Variants in TXNIP observed in about 807,000 individuals in gnomAD.
The protein encoded by TXNIP is thioredoxin-interacting protein.
In TXNIP, 23 loss-of-function variants were observed where a neutral mutation model predicts 43.9. That is an observed-to-expected ratio of 0.52 (90% confidence interval 0.38 to 0.74). TXNIP has a LOEUF of 0.74. TXNIP is among the 30% of genes least tolerant of loss of function. The probability of loss-of-function intolerance (pLI) is 0.00; values close to 1 mark genes in which losing one functional copy is unlikely to be tolerated. For synonymous variants in TXNIP, 234 were observed against 172.2 expected (o/e 1.36, Z -2.81); for missense variants, 555 against 485.4 (o/e 1.14, Z -1.35).
chr1:145,994,245 A>C (rs1268919409), intron 6 of TXNIP, 36 bp downstream of exon 6: 6 of 1,612,942 alleles, frequency 3.7e-6, no homozygotes, highest in Admixed American at 1.7e-5. Context: ...ACCCAGGTAG[A>C]CCAGAAACAA....
chr1:145,994,158 C>T lies in TXNIP; in HGVS notation c.998G>A (p.Cys333Tyr). ...ATCTTCAGGAATGACATCCATATAG[C>T]AGGGAGGAGCTAGAAAAGAAAATAT... is the stretch of plus-strand genomic sequence containing the variant. ...NIPDTPEAPP[C>Y]YMDVIPEDHR... The change falls in exon 7 of 8, where the codon TGC (cysteine) becomes TAC (tyrosine). Residue 333 changes from cysteine (C) to tyrosine (Y), a missense_variant. Transcript: ENST00000582401. The T allele has an allele frequency of 6.2e-7, 1 of 1,614,038 alleles. No homozygotes were observed. Among genetic ancestry groups the T allele is most frequent in the Non-Finnish European group, 8.5e-7 (1 of 1,179,994 alleles).
Position 145,996,308 on chromosome 1 carries a change from A to T in TXNIP, c.-42T>A, listed in dbSNP as rs1221316784. On this transcript the variant is annotated 5_prime_UTR_variant, in exon 1 of 8. Coordinates refer to ENST00000582401, the MANE Select transcript of TXNIP (RefSeq NM_006472.6). Reference sequence around the variant, plus strand: ...TTTTAAGAGTTAGAAATGACGGTGGAAGAAAAAAAAAGCTCCAAATCGAGG... The same window carrying T: ...TTTTAAGAGTTAGAAATGACGGTGGTAGAAAAAAAAAGCTCCAAATCGAGG... The T allele has an allele frequency of 6.4e-7, 1 of 1,568,488 alleles. No individual in the cohort carries two copies. The highest frequency in any genetic ancestry group is 1.4e-5 in the African/African-American group (1 of 72,520).
rs782266753 is a variant in TXNIP at position 145,996,260 on chromosome 1, T to C, written c.7A>G (p.Met3Val). MV[M>V]FKKIKSFEVV... is the part of the protein sequence containing the mutation. ...TCAAAAGACTTGATCTTCTTGAACA[T>C]CACCATGATGGAACTGAGTTGGTTT... is the stretch of plus-strand genomic sequence containing the variant. The change falls in exon 1 of 8, where the codon ATG becomes GTG. Residue 3 changes from methionine (M) to valine (V), a missense_variant. Transcript: ENST00000582401. 6.2e-7 allele frequency: 1 copy of C among 1,613,504 alleles called. No individual in the cohort carries two copies. The highest frequency in any genetic ancestry group is 1.3e-5 in the African/African-American group (1 of 74,746).
Position 145,996,355 on chromosome 1 carries a change from T to C in TXNIP, c.-89A>G, listed in dbSNP as rs1248494154. ...GAGGAAACCCCTTTGCAAAAAATTA[T>C]TTCACTTTAAGGAATTAAGGTATTC... On this transcript the variant is annotated 5_prime_UTR_variant, in exon 1 of 8. Coordinates refer to ENST00000582401, the MANE Select transcript of TXNIP (RefSeq NM_006472.6). The C allele has an allele frequency of 4.8e-6, 7 of 1,451,242 alleles. No homozygotes were observed. In the African/African-American group the frequency reaches 7.1e-5, roughly 15 times the overall value. The allele number at this position is 1,451,242 out of a possible 1,614,324, so 89.9% of individuals were successfully genotyped here.
At position 145,995,351 on chromosome 1, in the gene TXNIP, G is replaced by A. The variant is rs1182344479; in HGVS notation, c.323+53C>T. 1.1e-5 allele frequency: 18 copies of A among 1,609,616 alleles called. No individual in the cohort carries two copies. In the Admixed American group the frequency reaches 2.7e-4, roughly 24 times the overall value. The stretch of plus-strand genomic sequence containing the variant: ...CCAAGAACAGTAAGTGATCAAAGGA[G>A]GGCAAGATATTTTAGACAGAAAAGT... On this transcript the variant is annotated intron_variant, in intron 2 of 7. Transcript: ENST00000582401.
At position 145,996,119 on chromosome 1, in the gene TXNIP, C is replaced by T. The variant is rs2101964044; in HGVS notation, c.148G>A (p.Gly50Arg). Residue 50 changes from glycine (G) to arginine (R), a missense_variant, in exon 1 of 8, where the codon GGA becomes AGA. Physicochemically the swap from Gly to Arg is moderately radical, Grantham distance 125. Coordinates refer to ENST00000582401, the MANE Select transcript of TXNIP (RefSeq NM_006472.6). Reference protein sequence around the residue: ...RVKAVRILACGVAKVLWMQGS... With the variant: ...RVKAVRILACRVAKVLWMQGS... Reference sequence around the variant, plus strand: ...TGCATCCAAAGCACTTTAGCCACTCCGCAAGCCAGGATCCTAACGGCTTTG... The same window carrying T: ...TGCATCCAAAGCACTTTAGCCACTCTGCAAGCCAGGATCCTAACGGCTTTG... 6.2e-7 allele frequency: 1 copy of T among 1,614,068 alleles called. No individual in the cohort carries two copies. The highest frequency in any genetic ancestry group is 8.5e-7 in the Non-Finnish European group (1 of 1,180,014).
Position 145,995,134 on chromosome 1 carries a change from T to G in TXNIP, c.471+10A>C. On this transcript the variant is annotated intron_variant, in intron 3 of 7. Coordinates refer to ENST00000582401, the MANE Select transcript of TXNIP (RefSeq NM_006472.6). ...ACCCAGGAGAATAGAATCTTTAAAA[T>G]GGATCTCACCATTAAATCAGGGGTA... is the stretch of plus-strand genomic sequence containing the variant. 6.2e-7 allele frequency: 1 copy of G among 1,614,062 alleles called. No homozygotes were observed. Among genetic ancestry groups the G allele is most frequent in the Non-Finnish European group, 8.5e-7 (1 of 1,179,932 alleles).
In TXNIP at chr1:145,996,279, T is replaced by A. The variant is rs1414230298; in HGVS notation, c.-13A>T. On this transcript the variant is annotated 5_prime_UTR_variant, in exon 1 of 8. Coordinates refer to ENST00000582401, the MANE Select transcript of TXNIP (RefSeq NM_006472.6). Reference sequence around the variant, plus strand: ...TGAACATCACCATGATGGAACTGAGTTGGTTTTAAGAGTTAGAAATGACGG... The same window carrying A: ...TGAACATCACCATGATGGAACTGAGATGGTTTTAAGAGTTAGAAATGACGG... The A allele has an allele frequency of 6.2e-7, 1 of 1,611,452 alleles. No homozygotes were observed. Among genetic ancestry groups the A allele is most frequent in the Non-Finnish European group, 8.5e-7 (1 of 1,178,380 alleles).
Position 145,996,368 on chromosome 1 carries a change from A to AT in TXNIP, c.-103_-102insA. 7.4e-7 allele frequency: 1 copy of AT among 1,345,398 alleles called. No individual in the cohort carries two copies. Among genetic ancestry groups the AT allele is most frequent in the Middle Eastern group, 1.9e-4 (1 of 5,192 alleles). 83.3% of individuals were successfully genotyped at this position (1,345,398 alleles called of 1,614,324 possible). A position where few individuals can be genotyped will look rare whatever the true frequency, so the allele number is the denominator to read the frequency against. ...TGCAAAAAATTATTTCACTTTAAGG[A>AT]ATTAAGGTATTCTTAAGCAGTTTGA... On this transcript the variant is annotated 5_prime_UTR_variant, in exon 1 of 8. Transcript: ENST00000582401.
rs202190036 is a variant in TXNIP, at chr1:145,996,098, T to G, written c.169A>C (p.Met57Leu). ...LACGVAKVLW[M>L]QGSQQCKQTS... ...TGTTTGCACTGCTGGGATCCCTGCA[T>G]CCAAAGCACTTTAGCCACTCCGCAA... Residue 57 changes from methionine to leucine, a missense_variant, in exon 1 of 8, where the codon ATG (methionine) becomes CTG (leucine). Physicochemically the swap from Met to Leu is conservative, Grantham distance 15. Coordinates refer to ENST00000582401, the MANE Select transcript of TXNIP (RefSeq NM_006472.6). The G allele has an allele frequency of 1.2e-6, 2 of 1,614,042 alleles. No homozygotes were observed. The highest frequency in any genetic ancestry group is 2.2e-5 in the East Asian group (1 of 44,868).
At position 145,995,222 on chromosome 1, in the gene TXNIP, G is replaced by A; in HGVS notation, c.393C>T (p.Arg131=). 3.1e-6 allele frequency: 5 copies of A among 1,614,012 alleles called. No homozygotes were observed. Among genetic ancestry groups the A allele is most frequent in the African/African-American group, 2.7e-5 (2 of 74,966 alleles). The change falls in exon 3 of 8, where the codon CGC becomes CGT. Residue 131 remains arginine (R), a synonymous_variant. Transcript: ENST00000582401. ...TTGTCTCTTGAGTTGGCTGGCTCGG[G>A]CGGTCAAGAAAAGCCTTCACCCAGT... The part of the protein sequence containing the change: ...VDYWVKAFLD[R]PSQPTQETKK...
Position 145,994,799 on chromosome 1 carries a change from A to T in TXNIP, c.576T>A (p.Gly192=). The T allele has an allele frequency of 6.2e-7, 1 of 1,614,140 alleles. No homozygotes were observed. The highest frequency in any genetic ancestry group is 8.5e-7 in the Non-Finnish European group (1 of 1,180,032). ...ARIDRKGFCE[G]DEISIHADFE... ...AGTCAGCATGGATGGAAATCTCATC[A>T]CCTAGCAATGAGAAAGATGAAAACT... Residue 192 remains glycine (G), a splice_region_variant and synonymous_variant, in exon 5 of 8, where the codon GGT becomes GGA. Transcript: ENST00000582401.
rs1338837109 is a variant in TXNIP, at chr1:145,996,493, C to G, written c.-227G>C. 1.1e-5 allele frequency: 5 copies of G among 439,226 alleles called. No homozygotes were observed. The highest frequency in any genetic ancestry group is 2.0e-5 in the Non-Finnish European group (5 of 247,500). The allele number at this position is 439,226 out of a possible 1,614,324, so 27.2% of individuals were successfully genotyped here. On this transcript the variant is annotated 5_prime_UTR_variant, in exon 1 of 8. Transcript: ENST00000582401. ...CGCCGCTGGTTACACTAAGCTAATT[C>G]AGAGAAAAAGCCTTCTTTCCCCCAA...
Position 145,994,149 on chromosome 1 carries a change from T to C in TXNIP, c.1007A>G (p.Asp336Gly), listed in dbSNP as rs1553765914. The C allele has an allele frequency of 1.2e-6, 2 of 1,614,014 alleles. No individual in the cohort carries two copies. Among genetic ancestry groups the C allele is most frequent in the Admixed American group, 3.3e-5 (2 of 59,992 alleles). Residue 336 changes from aspartate to glycine, a missense_variant, in exon 7 of 8, where the codon GAT (aspartate) becomes GGT (glycine). Asp to Gly is a moderately conservative substitution (Grantham distance 94). Transcript: ENST00000582401. Reference sequence around the variant, plus strand: ...CAATCGGTGATCTTCAGGAATGACATCCATATAGCAGGGAGGAGCTAGAAA... The same window carrying C: ...CAATCGGTGATCTTCAGGAATGACACCCATATAGCAGGGAGGAGCTAGAAA... ...DTPEAPPCYM[D>G]VIPEDHRLES... is the part of the protein sequence containing the mutation.
Position 145,995,430 on chromosome 1 carries a change from GTACTCATATTTGT to G in TXNIP, c.284_296del (p.Asn95ThrfsTer23). ...CCTGAGGAAGCTCAAAGCCGAACTTGTACTCATATTTGTTTCCAGGTCTCATGATCACCATCTC... is the reference window on the plus strand; with the variant it reads ...CCTGAGGAAGCTCAAAGCCGAACTTGTTCCAGGTCTCATGATCACCATCTC... On this transcript the variant is annotated frameshift_variant, in exon 2 of 8. Coordinates refer to ENST00000582401, the MANE Select transcript of TXNIP (RefSeq NM_006472.6). LOFTEE classifies it high-confidence loss of function. 1 of 1,614,070 alleles carries G rather than the reference GTACTCATATTTGT, an allele frequency of 6.2e-7. No individual in the cohort carries two copies. The highest frequency in any genetic ancestry group is 8.5e-7 in the Non-Finnish European group (1 of 1,179,978).
chr1:145,994,141 G>C lies in TXNIP; in HGVS notation c.1015C>G (p.Pro339Ala). 1 of 1,614,098 alleles carries C rather than the reference G, an allele frequency of 6.2e-7. No homozygotes were observed. The highest frequency in any genetic ancestry group is 8.5e-7 in the Non-Finnish European group (1 of 1,180,010). The part of the protein sequence containing the change: ...EAPPCYMDVI[P>A]EDHRLESPTT... ...GGGCTCTCCAATCGGTGATCTTCAG[G>C]AATGACATCCATATAGCAGGGAGGA... is the stretch of plus-strand genomic sequence containing the variant. Residue 339 changes from proline (P) to alanine (A), a missense_variant, in exon 7 of 8, where the codon CCT becomes GCT. Pro to Ala is a conservative substitution (Grantham distance 27). Transcript: ENST00000582401.
rs1465743565 is a variant in TXNIP, at chr1:145,996,017, C to G, written c.250G>C (p.Gly84Arg). 1 of 1,613,162 alleles carries G rather than the reference C, an allele frequency of 6.2e-7. No individual in the cohort carries two copies. Among genetic ancestry groups the G allele is most frequent in the African/African-American group, 1.3e-5 (1 of 75,006 alleles). Reference protein sequence around the residue: ...DTLLLEDQPTGENEMVIMRPG... With the variant: ...DTLLLEDQPTRENEMVIMRPG... ...TCCAACAATGAATTGGGCCGCTTAC[C>G]TGTTGGCTGGTCTTCCAGAAGAAGC... is the stretch of plus-strand genomic sequence containing the variant. The change falls in exon 1 of 8, where the codon GGT (glycine) becomes CGT (arginine). Residue 84 changes from glycine to arginine, a missense_variant and splice_region_variant. Coordinates refer to ENST00000582401, the MANE Select transcript of TXNIP (RefSeq NM_006472.6).
At chr1:145,993,939 CA>C in intron 7 of TXNIP, 53 bp from the exon 8 acceptor site, 1 of 1,613,830 alleles carries the variant, frequency 6.2e-7, no homozygotes, top group South Asian at 1.1e-5. Context: ...AAGAACAAAC[CA>C]GTTTAGCAAT....
intron 7 of TXNIP, 58 bp from the exon 8 acceptor site, chr1:145,993,944 T>C (rs1651314246): frequency 1.2e-6 from 2 of 1,613,738 alleles, no homozygotes; most frequent in African/African-American, 1.3e-5. Context: ...CAAACCAGTT[T>C]AGCAATCCGT....
Sources: gnomAD v4.1 joint callset for allele counts on GRCh38, gnomAD v4.1.1 for gene constraint, MANE v1.5 for transcripts, NCBI Gene and HGNC (gene_info 2026-07-23, HGNC 2026-07-21) for gene names.